TMEM45B: variants seen among roughly 807,000 people sequenced by gnomAD.
TMEM45B encodes the protein transmembrane protein 45B.
Under a neutral mutation model 27.3 loss-of-function variants are expected in TMEM45B, and 29 were observed. The observed-to-expected ratio is 1.06, with a 90% CI of 0.79 to 1.45. The LOEUF is 1.45. TMEM45B is among the 40% of genes most tolerant of loss of function. TMEM45B has a pLI of 0.00. For missense variants in TMEM45B, 348 were observed against 343.9 expected (o/e 1.01, Z -0.09); for synonymous variants, 143 against 134.7 (o/e 1.06, Z -0.43).
chr11:129,829,012 TGTATTCTA>T (rs1947518618), intron 1 of TMEM45B, among the ~76,000 whole-genome samples: 2 of 152,210 alleles, frequency 1.3e-5, no homozygotes, highest in African/African-American at 4.8e-5. Context: ...TTATTAAACA[TGTATTCTA>T]GTCACCTGCT....
chr11:129,837,598 T>TTTTTTTTTTTTTTTTTC (rs1947638512), intron 1 of TMEM45B, among the ~76,000 whole-genome samples: 1 of 141,988 alleles, frequency 7.0e-6, no homozygotes, highest in Non-Finnish European at 1.5e-5. Flanking sequence ...TTTTTTTTTT[T>TTTTTTTTTTTTTTTTTC]TTGAGACAGG....
chr11:129,847,802 C>A (rs1165854397), intron 1 of TMEM45B, among the ~76,000 whole-genome samples: 1 of 152,148 alleles, frequency 6.6e-6, no homozygotes, highest in African/African-American at 2.4e-5. Context: ...ACAGACACAG[C>A]AACCATCCGA....
chr11:129,854,593 T>C lies in TMEM45B; in HGVS notation c.179-17T>C. On this transcript the variant is annotated splice_polypyrimidine_tract_variant and intron_variant, in intron 2 of 5. Coordinates refer to ENST00000281441, the MANE Select transcript of TMEM45B (RefSeq NM_138788.5). The stretch of plus-strand genomic sequence containing the variant: ...GCTACTCTTCCCTCTAAAACATCCA[T>C]CCTCATTTCCCTGCAGGGATCCTGG... The C allele has an allele frequency of 1.9e-6, 3 of 1,613,398 alleles. No individual in the cohort carries two copies. Among genetic ancestry groups the C allele is most frequent in the Non-Finnish European group, 2.5e-6 (3 of 1,179,492 alleles).
rs900329407 is a variant in TMEM45B at position 129,858,688 on chromosome 11, C to T, written c.*3C>T. The stretch of plus-strand genomic sequence containing the variant: ...TGAGTGGCTCAGATGAGGAATGAGC[C>T]GAGATGCGGAGGGCGCAGATGTCCC... On this transcript the variant is annotated 3_prime_UTR_variant, in exon 6 of 6. Coordinates refer to ENST00000281441, the MANE Select transcript of TMEM45B (RefSeq NM_138788.5). 21 of 1,552,972 alleles carry T rather than the reference C, an allele frequency of 1.4e-5. No individual in the cohort carries two copies. The highest frequency in any genetic ancestry group is 2.7e-5 in the African/African-American group (2 of 73,510).
intron 1 of TMEM45B, among the ~76,000 whole-genome samples, chr11:129,829,268 G>A (rs1591437025): frequency 6.6e-6 from 1 of 152,190 alleles, no homozygotes. Context: ...GAAGATGTAG[G>A]AAATAGAATG....
chr11:129,832,065 C>CAAAA (rs57336005), intron 1 of TMEM45B, among the ~76,000 whole-genome samples: 1,766 of 58,190 alleles, frequency 0.03, 83 homozygotes, highest in South Asian at 0.046. Context: ...GATTCCATCT[C>CAAAA]AAAAAAAAAA....
rs116862992 is a variant in TMEM45B at position 129,833,477 on chromosome 11, A to G, written c.-9+17579A>G. ...GTAATCCAATATGACTGGTATCCTT[A>G]TAAGAGGAACTTTAGGGCCAGGCGC... is the stretch of plus-strand genomic sequence containing the variant. On this transcript the variant is annotated intron_variant, in intron 1 of 5. Coordinates refer to ENST00000281441, the MANE Select transcript of TMEM45B (RefSeq NM_138788.5). 4.6e-5 allele frequency among the ~76,000 whole-genome samples: 7 copies of G among 152,118 alleles called. No individual in the cohort carries two copies. The East Asian group carries it at 1.4e-3, about 30-fold the overall frequency.
intron 1 of TMEM45B, among the ~76,000 whole-genome samples, chr11:129,826,850 G>A (rs1490869127): frequency 6.6e-6 from 1 of 151,828 alleles, no homozygotes; most frequent in African/African-American, 2.4e-5. Context: ...TGGGACTACA[G>A]GCACCCACCA....
intron 1 of TMEM45B, among the ~76,000 whole-genome samples, chr11:129,822,872 A>T (rs544574906): frequency 1.8e-4 from 25 of 141,314 alleles, no homozygotes; most frequent in Non-Finnish European, 3.2e-4. Flanking sequence ...ACAGAGTCTC[A>T]CTCTGTGGCC....
At chr11:129,829,912 A>T (rs1412008127) in intron 1 of TMEM45B, among the ~76,000 whole-genome samples, 2 of 152,262 alleles carry the variant, frequency 1.3e-5, no homozygotes, top group East Asian at 3.8e-4. Context: ...GATAGACAAG[A>T]TGCCAAGACA....
intron 1 of TMEM45B, among the ~76,000 whole-genome samples, chr11:129,833,564 C>T (rs2083106649): frequency 6.6e-6 from 1 of 152,074 alleles, no homozygotes; most frequent in South Asian, 2.1e-4. Flanking sequence ...CACCTGAGCT[C>T]AGGAGTTCCA....
intron 5 of TMEM45B, among the ~76,000 whole-genome samples, 166 bp from the exon 6 acceptor site, chr11:129,858,408 T>C (rs1947960174): frequency 6.6e-6 from 1 of 152,208 alleles, no homozygotes; most frequent in Non-Finnish European, 1.5e-5. Context: ...CGCCCCTTTA[T>C]CTACTGATGA....
chr11:129,851,629 A>G (rs1947848362), intron 1 of TMEM45B, among the ~76,000 whole-genome samples: 1 of 151,566 alleles, frequency 6.6e-6, no homozygotes, highest in Non-Finnish European at 1.5e-5. Flanking sequence ...AACCACAGCA[A>G]TCACCAACAA....
intron 2 of TMEM45B, 56 bp downstream of exon 2, chr11:129,852,716 A>G: frequency 6.5e-7 from 1 of 1,530,852 alleles, no homozygotes; most frequent in Non-Finnish European, 8.9e-7. Flanking sequence ...CAGAACCTTT[A>G]ATTCATTTTC....
chr11:129,844,952 A>T (rs745500962), intron 1 of TMEM45B, among the ~76,000 whole-genome samples: 6 of 152,214 alleles, frequency 3.9e-5, no homozygotes, highest in Non-Finnish European at 8.8e-5. Context: ...TCGAAAGAAA[A>T]TGAGGTTTTA....
In TMEM45B at chr11:129,848,281, C is replaced by T. The variant is rs537127315; in HGVS notation, c.-8-4194C>T. ...ATCCCGGCACCTCGGGAGGCCGAGG[C>T]TGGCGGATCACTCGCGGTTAGGAGC... On this transcript the variant is annotated intron_variant, in intron 1 of 5. Transcript: ENST00000281441. Among the ~76,000 whole-genome samples, 779 of 152,320 alleles carry T rather than the reference C, an allele frequency of 5.1e-3. 3 individuals are homozygous for T. Among genetic ancestry groups the T allele is most frequent in the African/African-American group, 0.018 (730 of 41,570 alleles).
chr11:129,849,870 G>A (rs984418213), intron 1 of TMEM45B, among the ~76,000 whole-genome samples: 6 of 152,180 alleles, frequency 3.9e-5, no homozygotes, highest in African/African-American at 1.4e-4. Context: ...TAATGAGCAA[G>A]GCAGCCCCAA....
intron 1 of TMEM45B, among the ~76,000 whole-genome samples, chr11:129,850,156 T>TG (rs56172766): frequency 0.16 from 24,820 of 151,874 alleles, 2,150 homozygotes; most frequent in South Asian, 0.28. Flanking sequence ...CACGTTTTTT[T>TG]TTTTGTTGAT....
At chr11:129,831,347 T>C (rs185910794) in intron 1 of TMEM45B, among the ~76,000 whole-genome samples, 7 of 152,258 alleles carry the variant, frequency 4.6e-5, no homozygotes, top group Non-Finnish European at 8.8e-5. Context: ...TTAGGTAAAA[T>C]AAGGGTTACA....
Sources: allele counts gnomAD v4.1 joint callset (sites outside exome capture counted in the v4.1 genomes callset), GRCh38; gene constraint gnomAD v4.1.1; transcripts MANE v1.5; gene names NCBI Gene and HGNC (gene_info 2026-07-23, HGNC 2026-07-21).